ADGRL3: variants seen among roughly 807,000 people sequenced by gnomAD.
ADGRL3 encodes the protein calcium-independent alpha-latrotoxin receptor 3.
ADGRL3 carries 62 observed loss-of-function variants against 153.5 expected under a neutral mutation model. The ratio of observed to expected loss-of-function variants is 0.40; its 90% CI spans 0.33 to 0.50. The LOEUF is 0.50. ADGRL3 is among the 20% of genes least tolerant of loss of function. The probability of loss-of-function intolerance (pLI) is 0.47; values close to 1 mark genes in which losing one functional copy is unlikely to be tolerated. For missense variants in ADGRL3, 1,641 were observed against 1,859.4 expected, an observed-to-expected ratio of 0.88 and a Z score of 2.16; for synonymous variants, 710 against 672.5, an observed-to-expected ratio of 1.06 and a Z score of -0.86.
intron 24 of ADGRL3, among the ~76,000 whole-genome samples, chr4:62,042,952 A>G (rs1729153754): frequency 6.6e-6 from 1 of 152,106 alleles, no homozygotes; most frequent in Non-Finnish European, 1.5e-5. Flanking sequence ...TTTAGTTTGC[A>G]TATTTTGATA....
intron 8 of ADGRL3, among the ~76,000 whole-genome samples, chr4:61,793,183 G>A (rs1287235048): frequency 6.6e-6 from 1 of 152,038 alleles, no homozygotes; most frequent in African/African-American, 2.4e-5. Flanking sequence ...CCAGCAATTT[G>A]GGAGGCCGAG....
At chr4:61,756,670 G>A (rs1345084735) in intron 8 of ADGRL3, among the ~76,000 whole-genome samples, 3 of 152,110 alleles carry the variant, frequency 2.0e-5, no homozygotes, top group Admixed American at 6.6e-5. Flanking sequence ...AATAGGAGTG[G>A]TGAAAAAGGG....
rs371452429 is a variant in ADGRL3 at position 61,692,695 on chromosome 4, G to T, written c.583+15760G>T. Reference sequence around the variant, plus strand: ...CTGGCTTCAAGTGATCTGCCTGTTGGGTCTCCAAAAGTGCTTGGAGGCATA... The same window carrying T: ...CTGGCTTCAAGTGATCTGCCTGTTGTGTCTCCAAAAGTGCTTGGAGGCATA... On this transcript the variant is annotated intron_variant, in intron 6 of 26. Coordinates refer to ENST00000683033, the MANE Select transcript of ADGRL3 (RefSeq NM_001387552.1). Among the ~76,000 whole-genome samples, 5 of 151,916 alleles carry T rather than the reference G, an allele frequency of 3.3e-5. No individual in the cohort carries two copies. In the South Asian group the frequency reaches 6.2e-4, roughly 19 times the overall value.
intron 9 of ADGRL3, among the ~76,000 whole-genome samples, chr4:61,833,017 G>A (rs192059903): frequency 3.9e-5 from 6 of 152,014 alleles, no homozygotes; most frequent in Admixed American, 2.6e-4. Context: ...GCAAGATTTC[G>A]AGGATTTTCG....
chr4:61,377,073 G>C (rs1355745867), intron 1 of ADGRL3, among the ~76,000 whole-genome samples: 1 of 151,972 alleles, frequency 6.6e-6, no homozygotes, highest in African/African-American at 2.4e-5. Context: ...ACAATGGCTG[G>C]GTATATAGAA....
At chr4:61,416,150 T>A (rs2097142388) in intron 2 of ADGRL3, among the ~76,000 whole-genome samples, 1 of 152,042 alleles carries the variant, frequency 6.6e-6, no homozygotes, top group African/African-American at 2.4e-5. Flanking sequence ...TAGGTAAAAA[T>A]CCATAAAAAT....
chr4:61,245,560 A>C (rs910367906), intron 1 of ADGRL3, among the ~76,000 whole-genome samples: 1 of 152,002 alleles, frequency 6.6e-6, no homozygotes, highest in Non-Finnish European at 1.5e-5. Flanking sequence ...CCCACATGCA[A>C]TTACTGGAGG....
chr4:61,974,734 A>G (rs1458397143), intron 17 of ADGRL3, among the ~76,000 whole-genome samples: 4 of 152,216 alleles, frequency 2.6e-5, no homozygotes, highest in African/African-American at 9.6e-5. Context: ...ATTACTCAAG[A>G]TTCCTCTTAT....
intron 2 of ADGRL3, among the ~76,000 whole-genome samples, chr4:61,424,619 G>A (rs994557749): frequency 1.1e-4 from 16 of 152,276 alleles, no homozygotes; most frequent in Non-Finnish European, 4.4e-5. Flanking sequence ...TGGAATAAAT[G>A]TACAACATTG....
chr4:61,938,862 CAAAAAAAA>C (rs71213019), intron 15 of ADGRL3, among the ~76,000 whole-genome samples: 5 of 71,506 alleles, frequency 7.0e-5, no homozygotes, highest in African/African-American at 2.6e-4. Context: ...CCCTCCTCCT[CAAAAAAAA>C]AAAAAAAAAA....
At chr4:61,587,760 A>T (rs1159296253) in intron 5 of ADGRL3, among the ~76,000 whole-genome samples, 1 of 152,102 alleles carries the variant, frequency 6.6e-6, no homozygotes, top group Non-Finnish European at 1.5e-5. Flanking sequence ...TTGCAAAAAT[A>T]AGATTTTCTC....
rs1019691252 is a variant in ADGRL3 at position 61,200,897 on chromosome 4, G to A, written c.-1108G>A. Among the ~76,000 whole-genome samples, 2 of 151,688 alleles carry A rather than the reference G, an allele frequency of 1.3e-5. No homozygotes were observed. The highest frequency in any genetic ancestry group is 2.0e-4 in the East Asian group (1 of 5,044). On this transcript the variant is annotated 5_prime_UTR_variant, in exon 1 of 27. Transcript: ENST00000683033. Reference sequence around the variant, plus strand: ...CATCCACCCCACGGGCTCGGGGTTCGCCGGCCCCCGGGACGCAGCCCTCGG... The same window carrying A: ...CATCCACCCCACGGGCTCGGGGTTCACCGGCCCCCGGGACGCAGCCCTCGG...
intron 9 of ADGRL3, among the ~76,000 whole-genome samples, chr4:61,848,771 C>G (rs551787184): frequency 6.6e-6 from 1 of 152,080 alleles, no homozygotes; most frequent in Non-Finnish European, 1.5e-5. Flanking sequence ...AATGATCAAA[C>G]TTTCTAAAGG....
intron 25 of ADGRL3, among the ~76,000 whole-genome samples, chr4:62,054,241 T>C (rs184980017): frequency 4.6e-5 from 7 of 151,754 alleles, no homozygotes; most frequent in African/African-American, 1.4e-4. Context: ...TTCAAAATGT[T>C]CAAGTTAAAA....
At chr4:61,632,525 C>A (rs1444132772) in intron 5 of ADGRL3, among the ~76,000 whole-genome samples, 2 of 152,146 alleles carry the variant, frequency 1.3e-5, no homozygotes, top group African/African-American at 4.8e-5. Flanking sequence ...TTTAGATGTA[C>A]AGTCTGGTGT....
intron 11 of ADGRL3, among the ~76,000 whole-genome samples, 182 bp downstream of exon 11, chr4:61,896,016 A>T (rs751692762): frequency 1.8e-4 from 28 of 152,266 alleles, no homozygotes; most frequent in South Asian, 4.1e-4. Context: ...TAAAGTGCAA[A>T]TCCATGAATT....
chr4:61,403,826 C>T (rs1047827129), intron 2 of ADGRL3, among the ~76,000 whole-genome samples: 1 of 152,046 alleles, frequency 6.6e-6, no homozygotes, highest in South Asian at 2.1e-4. Flanking sequence ...ATAGGACACA[C>T]AGCTGGTACC....
chr4:61,231,431 G>GT (rs975653421), intron 1 of ADGRL3, among the ~76,000 whole-genome samples: 10 of 152,116 alleles, frequency 6.6e-5, no homozygotes, highest in African/African-American at 2.4e-4. Context: ...TCTAGGGGTT[G>GT]TGGGGGCGGA....
chr4:61,895,851 A>C lies in ADGRL3; in HGVS notation c.1887+17A>C. The C allele has an allele frequency of 7.0e-7, 1 of 1,430,438 alleles. No individual in the cohort carries two copies. The highest frequency in any genetic ancestry group is 2.0e-5 in the Admixed American group (1 of 51,024). 88.6% of individuals were successfully genotyped at this position (1,430,438 alleles called of 1,614,324 possible). A position where few individuals can be genotyped will look rare whatever the true frequency, so the allele number is the denominator to read the frequency against. ...ACACAGAAGGTAAATCTTGTGACTGACAAGAAAGTCTTTGCTAAAACTATA... is the reference window on the plus strand; with the variant it reads ...ACACAGAAGGTAAATCTTGTGACTGCCAAGAAAGTCTTTGCTAAAACTATA... On this transcript the variant is annotated intron_variant, in intron 11 of 26. Transcript: ENST00000683033.
Sources: gnomAD v4.1 joint callset for allele counts (sites outside exome capture counted in the v4.1 genomes callset) on GRCh38, gnomAD v4.1.1 for gene constraint, MANE v1.5 for transcripts, NCBI Gene and HGNC (gene_info 2026-07-23, HGNC 2026-07-21) for gene names.